The following PAMR1 variants were observed in gnomAD, a reference collection of about 807,000 sequenced individuals.
PAMR1 encodes the protein peptidase domain containing associated with muscle regeneration 1.
PAMR1 carries 88 observed loss-of-function variants against 81.8 expected under a neutral mutation model. That is an observed-to-expected ratio of 1.08 (90% confidence interval 0.91 to 1.28). PAMR1 has a LOEUF of 1.28. Ranked by LOEUF, PAMR1 falls within the 50% of genes most tolerant of loss-of-function variation. The pLI, the probability that PAMR1 is intolerant of heterozygous loss-of-function variation, is 0.00. For missense variants in PAMR1, 935 were observed against 919.7 expected, an observed-to-expected ratio of 1.02 and a Z score of -0.21; for synonymous variants, 336 against 345.3, an observed-to-expected ratio of 0.97 and a Z score of 0.30.
intron 6 of PAMR1, among the ~76,000 whole-genome samples, chr11:35,448,565 C>A (rs1017238882): frequency 6.6e-6 from 1 of 152,136 alleles, no homozygotes; most frequent in Non-Finnish European, 1.5e-5. Flanking sequence ...TTCTTAGCTT[C>A]TTTGCATTGG....
chr11:35,450,600 A>G (rs188920746), intron 6 of PAMR1, among the ~76,000 whole-genome samples: 77 of 152,356 alleles, frequency 5.1e-4, no homozygotes, highest in Non-Finnish European at 6.0e-4. Flanking sequence ...AGATTCATTC[A>G]TTCTGAAAAT....
intron 10 of PAMR1, among the ~76,000 whole-genome samples, chr11:35,433,689 C>T (rs1481102654): frequency 6.6e-6 from 1 of 152,056 alleles, no homozygotes; most frequent in African/African-American, 2.4e-5. Flanking sequence ...ATTGTGGGGG[C>T]TTAACAATAG....
At chr11:35,515,136 C>T (rs1245054910) in intron 1 of PAMR1, among the ~76,000 whole-genome samples, 1 of 152,190 alleles carries the variant, frequency 6.6e-6, no homozygotes, top group Non-Finnish European at 1.5e-5. Flanking sequence ...TCCCAAGACC[C>T]AAGAATTCTA....
chr11:35,510,874 T>G (rs1042735227), intron 1 of PAMR1, among the ~76,000 whole-genome samples: 1 of 152,234 alleles, frequency 6.6e-6, no homozygotes, highest in African/African-American at 2.4e-5. Flanking sequence ...CAAAGTATTT[T>G]GGCATCATAA....
At chr11:35,445,062 T>C (rs989729442) in intron 6 of PAMR1, among the ~76,000 whole-genome samples, 39 of 152,184 alleles carry the variant, frequency 2.6e-4, no homozygotes, top group Admixed American at 8.5e-4. Context: ...TCACTTCCCT[T>C]GTTAGCTGTA....
At chr11:35,474,587 C>T (rs777374870) in intron 4 of PAMR1, 43 bp downstream of exon 4, 1 of 1,148,420 alleles carries the variant, frequency 8.7e-7, no homozygotes, top group African/African-American at 1.6e-5. Flanking sequence ...ATTTCTGTAT[C>T]CTTATAACCT....
intron 8 of PAMR1, 65 bp from the exon 9 acceptor site, chr11:35,436,200 G>T: frequency 1.0e-6 from 1 of 984,004 alleles, no homozygotes; most frequent in Non-Finnish European, 1.6e-6. Flanking sequence ...GGCCTCTTTA[G>T]CATTCATGCC....
chr11:35,440,919 A>G (rs1443336998), intron 7 of PAMR1, among the ~76,000 whole-genome samples: 1 of 152,114 alleles, frequency 6.6e-6, no homozygotes, highest in African/African-American at 2.4e-5. Flanking sequence ...GATTCATGCA[A>G]TTGTCCCTAT....
intron 10 of PAMR1, among the ~76,000 whole-genome samples, chr11:35,434,141 A>T (rs1855980058): frequency 6.6e-6 from 1 of 152,200 alleles, no homozygotes; most frequent in African/African-American, 2.4e-5. Context: ...GGTTTCAGGC[A>T]GAGCCAGCCA....
intron 7 of PAMR1, among the ~76,000 whole-genome samples, chr11:35,441,227 C>T (rs1216374114): frequency 1.3e-5 from 2 of 152,120 alleles, no homozygotes; most frequent in Non-Finnish European, 2.9e-5. Flanking sequence ...CTTTCCTAAA[C>T]TGCTCTGATA....
At chr11:35,507,046 T>TCC (rs1850975425) in intron 1 of PAMR1, among the ~76,000 whole-genome samples, 2 of 129,696 alleles carry the variant, frequency 1.5e-5, no homozygotes, top group Non-Finnish European at 3.2e-5. Flanking sequence ...TGACTTTTTT[T>TCC]TTTTTTTTTT....
chr11:35,488,985 C>T lies in PAMR1; in HGVS notation c.379+3060G>A, dbSNP rs138610739. 2.5e-3 allele frequency among the ~76,000 whole-genome samples: 387 copies of T among 152,244 alleles called. 1 individual carries two copies. The highest frequency in any genetic ancestry group is 9.0e-3 in the African/African-American group (373 of 41,554). On this transcript the variant is annotated intron_variant, in intron 3 of 10. Transcript: ENST00000619888. ...TGACCTTTCTGCCTTTGAAACACTG[C>T]CCCCAGCTTCCAGAACCCTACTCCT...
At chr11:35,452,180 C>G (rs758333620) in intron 6 of PAMR1, among the ~76,000 whole-genome samples, 1 of 151,552 alleles carries the variant, frequency 6.6e-6, no homozygotes, top group Admixed American at 6.6e-5. Flanking sequence ...AAAAAATAAA[C>G]AAAGGAAACA....
intron 1 of PAMR1, 82 bp downstream of exon 1, chr11:35,525,431 C>T (rs1851367632): frequency 1.7e-6 from 2 of 1,168,992 alleles, no homozygotes; most frequent in Non-Finnish European, 2.5e-6. Flanking sequence ...GACTCCCAGT[C>T]CTGCTCCCAG....
chr11:35,441,692 G>A lies in PAMR1; in HGVS notation c.822C>T (p.Leu274=), dbSNP rs1231978254. ...AGYTGQRCEN[L]LEERNCSDPG... is the part of the protein sequence containing the mutation. ...GGTCTGAGCAGTTTCTTTCTTCAAGGACTAAAAGAAAGTAAAAGAAAAGGA... is the reference window on the plus strand; with the variant it reads ...GGTCTGAGCAGTTTCTTTCTTCAAGAACTAAAAGAAAGTAAAAGAAAAGGA... The change falls in exon 7 of 11, where the codon CTC becomes CTT. Residue 274 remains leucine (L), a splice_region_variant and synonymous_variant. Transcript: ENST00000619888. The A allele has an allele frequency of 6.3e-7, 1 of 1,589,422 alleles. No homozygotes were observed. The highest frequency in any genetic ancestry group is 8.6e-7 in the Non-Finnish European group (1 of 1,168,406).
chr11:35,519,555 A>G (rs1403609940), intron 1 of PAMR1, among the ~76,000 whole-genome samples: 2 of 152,216 alleles, frequency 1.3e-5, no homozygotes, highest in Non-Finnish European at 2.9e-5. Flanking sequence ...AGCAAGGTAC[A>G]TGACACCATG....
At chr11:35,506,102 T>G (rs1373204030) in intron 1 of PAMR1, among the ~76,000 whole-genome samples, 3 of 148,588 alleles carry the variant, frequency 2.0e-5, no homozygotes, top group Non-Finnish European at 1.5e-5. Context: ...AGATGACAAC[T>G]TACCTTAGAT....
intron 3 of PAMR1, among the ~76,000 whole-genome samples, chr11:35,482,676 T>A (rs1019491322): frequency 2.6e-5 from 4 of 152,212 alleles, no homozygotes; most frequent in Non-Finnish European, 5.9e-5. Flanking sequence ...GAGGATGGAA[T>A]GTTTTTCCAT....
At chr11:35,474,399 T>C (rs762562713) in intron 4 of PAMR1, among the ~76,000 whole-genome samples, 2 of 152,256 alleles carry the variant, frequency 1.3e-5, no homozygotes, top group Non-Finnish European at 2.9e-5. Context: ...TTTTGCTTTG[T>C]TGACGTTATC....
Sources: allele counts gnomAD v4.1 joint callset (sites outside exome capture counted in the v4.1 genomes callset), GRCh38; gene constraint gnomAD v4.1.1; transcripts MANE v1.5; gene names NCBI Gene and HGNC (gene_info 2026-07-23, HGNC 2026-07-21).